Variants in SPICE1 observed in about 807,000 individuals in gnomAD.
SPICE1 encodes the protein spindle and centriole associated protein 1.
Under a neutral mutation model 102.7 loss-of-function variants are expected in SPICE1, and 75 were observed. The ratio of observed to expected loss-of-function variants is 0.73; its 90% confidence interval spans 0.61 to 0.88. The LOEUF (loss-of-function observed/expected upper bound fraction) is 0.88. SPICE1 is among the 40% of genes least tolerant of loss of function. The pLI is 0.00. For synonymous variants in SPICE1, 308 were observed against 350.3 expected (o/e 0.88, Z 1.35); for missense variants, 979 against 1,020.1 (o/e 0.96, Z 0.55).
intron 3 of SPICE1, among the ~76,000 whole-genome samples, chr3:113,502,221 C>T (rs749256019): frequency 9.2e-5 from 14 of 152,200 alleles, no homozygotes; most frequent in Middle Eastern, 3.4e-3. Flanking sequence ...ACAAAAAATA[C>T]AAAACTTAGC....
At chr3:113,472,728 G>T (rs2107470117) in intron 7 of SPICE1, among the ~76,000 whole-genome samples, 1 of 152,328 alleles carries the variant, frequency 6.6e-6, no homozygotes, top group Non-Finnish European at 1.5e-5. Flanking sequence ...TGAGGGTCCT[G>T]TCTGTTAGAA....
intron 6 of SPICE1, among the ~76,000 whole-genome samples, chr3:113,491,624 C>CAAAAAAAAAAAAAAAAAAAA (rs869171154): frequency 2.6e-5 from 1 of 38,102 alleles, no homozygotes; most frequent in African/African-American, 8.7e-5. Flanking sequence ...GACTCCGTCT[C>CAAAAAAAAAAAAAAAAAAAA]AAAAAAAAAA....
At chr3:113,474,582 A>T (rs1936291778) in intron 7 of SPICE1, among the ~76,000 whole-genome samples, 1 of 152,240 alleles carries the variant, frequency 6.6e-6, no homozygotes, top group Non-Finnish European at 1.5e-5. Context: ...AATTATAACA[A>T]ACTGTCTCTC....
chr3:113,489,377 G>T (rs3928555), intron 6 of SPICE1, among the ~76,000 whole-genome samples: 34,874 of 152,006 alleles, frequency 0.23, 5,168 homozygotes, highest in Non-Finnish European at 0.33. Context: ...CTTCTTGAAA[G>T]AGTTGTTCCA....
chr3:113,480,912 T>TAAAG lies in SPICE1; in HGVS notation c.611+8029_611+8032dup, dbSNP rs1553768641. Among the ~76,000 whole-genome samples the TAAAG allele has an allele frequency of 3.2e-3, 339 of 106,504 alleles. 9 individuals carry two copies. Among genetic ancestry groups the TAAAG allele is most frequent in the African/African-American group, 0.011 (250 of 23,224 alleles). 69.9% of individuals were successfully genotyped at this position (106,504 alleles called of 152,430 possible). A position where few individuals can be genotyped will look rare whatever the true frequency, so the allele number is the denominator to read the frequency against. ...AAAAATAACAATGATTTTAAAAATT[T>TAAAG]AAAGAAAGAAAGAAAGAAAAAAGAC... On this transcript the variant is annotated intron_variant, in intron 7 of 17. Coordinates refer to ENST00000295872, the MANE Select transcript of SPICE1 (RefSeq NM_144718.4).
intron 7 of SPICE1, 140 bp from the exon 8 acceptor site, chr3:113,469,378 A>G (rs1936141549): frequency 5.3e-6 from 1 of 188,610 alleles, no homozygotes; most frequent in Non-Finnish European, 9.7e-6. Context: ...ATAATTATAA[A>G]TTTAATTTTA....
chr3:113,502,788 A>T (rs1217195202), intron 3 of SPICE1, among the ~76,000 whole-genome samples: 1 of 152,110 alleles, frequency 6.6e-6, no homozygotes, highest in African/African-American at 2.4e-5. Flanking sequence ...TGTTCCAAGT[A>T]AGGAATGGGG....
intron 17 of SPICE1, 136 bp downstream of exon 17, chr3:113,446,453 T>C (rs1935515401): frequency 2.8e-6 from 2 of 705,322 alleles, no homozygotes; most frequent in Admixed American, 2.7e-5. Flanking sequence ...AAAGGTAAAT[T>C]AGTATTTCTT....
At chr3:113,498,190 T>C (rs1465655167) in intron 4 of SPICE1, among the ~76,000 whole-genome samples, 1 of 152,168 alleles carries the variant, frequency 6.6e-6, no homozygotes, top group Non-Finnish European at 1.5e-5. Flanking sequence ...TATATTTTTT[T>C]AATGGAGCTT....
intron 1 of SPICE1, among the ~76,000 whole-genome samples, chr3:113,511,651 G>A (rs1275159897): frequency 6.6e-6 from 1 of 152,080 alleles, no homozygotes; most frequent in Non-Finnish European, 1.5e-5. Context: ...AGGAAAAATA[G>A]CTAATGCACG....
At chr3:113,447,005 A>C (rs550503891) in intron 16 of SPICE1, among the ~76,000 whole-genome samples, 2 of 152,212 alleles carry the variant, frequency 1.3e-5, no homozygotes, top group African/African-American at 4.8e-5. Flanking sequence ...TCGTGATAGT[A>C]AATAAGTCTC....
At chr3:113,490,575 G>A (rs1045531094) in intron 6 of SPICE1, among the ~76,000 whole-genome samples, 1 of 151,970 alleles carries the variant, frequency 6.6e-6, no homozygotes, top group Non-Finnish European at 1.5e-5. Flanking sequence ...CCAGGAGGTA[G>A]AGGCTGCAGT....
Position 113,460,722 on chromosome 3 carries a change from T to A in SPICE1, c.1330A>T (p.Ile444Leu). 1 of 1,613,386 alleles carries A rather than the reference T, an allele frequency of 6.2e-7. No individual in the cohort carries two copies. The highest frequency in any genetic ancestry group is 8.5e-7 in the Non-Finnish European group (1 of 1,179,818). Residue 444 changes from isoleucine (I) to leucine (L), a missense_variant, in exon 12 of 18, where the codon ATA becomes TTA. By Grantham distance (5) the Ile-to-Leu change is conservative (BLOSUM62 2). Coordinates refer to ENST00000295872, the MANE Select transcript of SPICE1 (RefSeq NM_144718.4). ...TTCTTAATAGCATGTGTGAGTGATA[T>A]CAGTTGCTCATCTGTTGTGACCATG... is the stretch of plus-strand genomic sequence containing the variant. ...QYMVTTDEQL[I>L]SLTHAIKNCP...
At chr3:113,469,822 T>A (rs947209061) in intron 7 of SPICE1, among the ~76,000 whole-genome samples, 1 of 152,166 alleles carries the variant, frequency 6.6e-6, no homozygotes, top group Non-Finnish European at 1.5e-5. Context: ...TATGGCTCCA[T>A]CCTCCTCTCT....
Sources: allele counts gnomAD v4.1 joint callset (sites outside exome capture counted in the v4.1 genomes callset), GRCh38; gene constraint gnomAD v4.1.1; transcripts MANE v1.5; gene names NCBI Gene and HGNC (gene_info 2026-07-23, HGNC 2026-07-21).